TIPIN: variants seen among roughly 807,000 people sequenced by gnomAD.
The protein encoded by TIPIN is TIMELESS interacting protein, also known as TIMELESS-interacting protein.
A neutral mutation model predicts 35.6 loss-of-function variants in TIPIN; 29 were observed. The observed-to-expected ratio is 0.82, with a 90% CI of 0.61 to 1.11. The LOEUF is 1.11. Among genes scored for constraint, TIPIN ranks in the 50% most tolerant of loss-of-function variants. The pLI is 0.00. For synonymous variants in TIPIN, 102 were observed against 121.5 expected, an observed-to-expected ratio of 0.84 and a Z score of 1.06; for missense variants, 296 against 345.4, an observed-to-expected ratio of 0.86 and a Z score of 1.13.
chr15:66,361,096 G>A (rs2093229061), upstream of TIPIN, among the ~76,000 whole-genome samples: 1 of 150,422 alleles, frequency 6.6e-6, no homozygotes, highest in East Asian at 2.0e-4. Context: ...TTGTGCCACT[G>A]CATTTCAGCC....
intron 1 of TIPIN, chr15:66,371,471 A>T: frequency 1.1e-5 from 9 of 789,132 alleles, no homozygotes; most frequent in Non-Finnish European, 1.4e-5. Flanking sequence ...GGAAAAAAAA[A>T]GTTTTTCCAT....
chr15:66,364,391 C>T (rs2093245080), intron 1 of TIPIN, among the ~76,000 whole-genome samples: 1 of 151,666 alleles, frequency 6.6e-6, no homozygotes. Flanking sequence ...GTCTTGAACT[C>T]CTGACCTCGT....
intron 1 of TIPIN, among the ~76,000 whole-genome samples, chr15:66,372,706 C>G (rs569783543): frequency 5.9e-5 from 9 of 152,218 alleles, no homozygotes; most frequent in African/African-American, 1.9e-4. Flanking sequence ...GAGTTTGAGA[C>G]CAGCCCGGCC....
Position 66,352,944 on chromosome 15 carries a change from G to C in TIPIN, c.4C>G (p.Leu2Val). 6.2e-7 allele frequency: 1 copy of C among 1,612,468 alleles called. No homozygotes were observed. The highest frequency in any genetic ancestry group is 8.5e-7 in the Non-Finnish European group (1 of 1,179,398). The change falls in exon 2 of 8, where the codon CTA becomes GTA. Residue 2 changes from leucine (L) to valine (V), a missense_variant. Physicochemically the swap from Leu to Val is conservative, Grantham distance 32 (BLOSUM62 1). Transcript: ENST00000261881. Reference protein sequence around the residue: MLEPQENGVIDL... With the variant: MVEPQENGVIDL... ...ATCACGCCATTCTCCTGTGGTTCTA[G>C]CATCTTTTCCTCTAGGGGAAAAAAT...
chr15:66,349,576 A>G (rs2093153033), intron 4 of TIPIN, 139 bp from the exon 5 acceptor site: 4 of 1,126,706 alleles, frequency 3.6e-6, no homozygotes, highest in Non-Finnish European at 4.9e-6. Context: ...TTATAAAAGG[A>G]ACTTTAATAA....
intron 1 of TIPIN, among the ~76,000 whole-genome samples, chr15:66,366,486 G>A (rs1466881897): frequency 6.7e-6 from 1 of 150,196 alleles, no homozygotes; most frequent in East Asian, 2.0e-4. Flanking sequence ...GGGTGCAGTG[G>A]CTCATGCCTG....
intron 4 of TIPIN, 55 bp from the exon 5 acceptor site, chr15:66,349,492 C>T (rs1595795065): frequency 4.5e-6 from 7 of 1,565,176 alleles, no homozygotes; most frequent in South Asian, 1.2e-5. Context: ...CAGCTGACCC[C>T]GTCAGCAACT....
At chr15:66,341,833 A>G (rs113439071) in intron 6 of TIPIN, among the ~76,000 whole-genome samples, 10,311 of 151,794 alleles carry the variant, frequency 0.068, 1,254 homozygotes, top group African/African-American at 0.24. Context: ...CAATTAAATA[A>G]GAAATATTTA....
At chr15:66,358,549 C>T (rs868206638), upstream of TIPIN, among the ~76,000 whole-genome samples, 1 of 151,722 alleles carries the variant, frequency 6.6e-6, no homozygotes. Flanking sequence ...AGGTAACTGG[C>T]ACTACAGGCT....
chr15:66,338,762 C>T (rs1217105040), intron 7 of TIPIN, among the ~76,000 whole-genome samples: 5 of 140,052 alleles, frequency 3.6e-5, no homozygotes, highest in African/African-American at 1.4e-4. Context: ...TGCAGTGAGC[C>T]GAGATCACGC....
rs543674595 is a variant in TIPIN, at chr15:66,373,492, C to CAA, written c.-9+13113_-9+13114dup. Among the ~76,000 whole-genome samples, 475 of 74,828 alleles carry CAA rather than the reference C, an allele frequency of 6.3e-3. 4 individuals carry two copies. The highest frequency in any genetic ancestry group is 0.019 in the African/African-American group (452 of 24,426). The allele number at this position is 74,828 out of a possible 152,430, so 49.1% of individuals were successfully genotyped here. On this transcript the variant is annotated intron_variant, in intron 1 of 7. Coordinates refer to the TIPIN transcript ENST00000562124. ...TGGGCGACAGAGCGAGACTCCGTCT[C>CAA]AAAAAAAAAAAAAAAGGAAAAGAAA...
At chr15:66,351,352 GCTTT>G (rs2093166627) in intron 4 of TIPIN, among the ~76,000 whole-genome samples, 169 bp downstream of exon 4, 2 of 152,192 alleles carry the variant, frequency 1.3e-5, no homozygotes, top group African/African-American at 4.8e-5. Context: ...CACAAGACAT[GCTTT>G]CTAATTCTTC....
chr15:66,369,924 C>T (rs1463341192), intron 1 of TIPIN, among the ~76,000 whole-genome samples: 2 of 152,026 alleles, frequency 1.3e-5, no homozygotes, highest in African/African-American at 2.4e-5. Flanking sequence ...TGGCAGGAAA[C>T]GGATGATGCA....
At chr15:66,348,251 C>A (rs986404777) in intron 6 of TIPIN, 2 of 151,956 alleles carry the variant, frequency 1.3e-5, no homozygotes, top group Admixed American at 1.3e-4. Context: ...AGTAATCCTA[C>A]CTCCATGGCC....
At chr15:66,351,699 G>T in intron 3 of TIPIN, 99 bp from the exon 4 acceptor site, 1 of 953,478 alleles carries the variant, frequency 1.0e-6, no homozygotes, top group Non-Finnish European at 1.6e-6. Context: ...ATGCGGTGGC[G>T]CGATCTCGGG....
At chr15:66,371,908 C>T (rs191532052) in intron 1 of TIPIN, among the ~76,000 whole-genome samples, 1 of 152,254 alleles carries the variant, frequency 6.6e-6, no homozygotes, top group East Asian at 1.9e-4. Flanking sequence ...AATTCTCTCA[C>T]CTCAGGCTCC....
At chr15:66,385,078 T>C (rs1302066801) in intron 1 of TIPIN, among the ~76,000 whole-genome samples, 2 of 152,248 alleles carry the variant, frequency 1.3e-5, no homozygotes, top group South Asian at 2.1e-4. Flanking sequence ...TCATGCTTAA[T>C]ATATTTAGTG....
chr15:66,371,487 T>A, intron 1 of TIPIN: 2 of 632,528 alleles, frequency 3.2e-6, no homozygotes, highest in Non-Finnish European at 3.9e-6. Context: ...TCCATGAGTT[T>A]ATTTATTTTT....
intron 1 of TIPIN, among the ~76,000 whole-genome samples, chr15:66,367,208 C>CTATATCTA (rs1555410030): frequency 1.4e-4 from 21 of 149,138 alleles, no homozygotes; most frequent in South Asian, 8.5e-4. Flanking sequence ...ATATCTATAT[C>CTATATCTA]TATATCTATA....
Sources: gnomAD v4.1 joint callset for allele counts (sites outside exome capture counted in the v4.1 genomes callset) on GRCh38, gnomAD v4.1.1 for gene constraint, MANE v1.5 for transcripts, NCBI Gene and HGNC (gene_info 2026-07-23, HGNC 2026-07-21) for gene names.